Variants in LCLAT1 observed in about 807,000 individuals in gnomAD.
LCLAT1 encodes 1-AGP acyltransferase 8.
Under a neutral mutation model 30.7 loss-of-function variants are expected in LCLAT1, and 11 were observed. The observed-to-expected ratio is 0.36, with a 90% confidence interval of 0.23 to 0.59. The LOEUF (loss-of-function observed/expected upper bound fraction) is 0.59. LCLAT1 is among the 20% of genes least tolerant of loss of function. The pLI is 0.77. For synonymous variants in LCLAT1, 155 were observed against 151.3 expected, an observed-to-expected ratio of 1.02 and a Z score of -0.18; for missense variants, 402 against 458.6, an observed-to-expected ratio of 0.88 and a Z score of 1.13.
At chr2:30,595,688 T>A (rs1666899989) in intron 5 of LCLAT1, among the ~76,000 whole-genome samples, 1 of 152,190 alleles carries the variant, frequency 6.6e-6, no homozygotes, top group African/African-American at 2.4e-5. Flanking sequence ...TGCAGGTTTG[T>A]TACATAGGAA....
chr2:30,511,090 CATT>C (rs1684918472), intron 1 of LCLAT1, among the ~76,000 whole-genome samples: 1 of 152,100 alleles, frequency 6.6e-6, no homozygotes, highest in Non-Finnish European at 1.5e-5. Flanking sequence ...TCAGAAGTCT[CATT>C]ATCTGTTCCT....
chr2:30,546,090 T>C (rs998145125), intron 3 of LCLAT1, among the ~76,000 whole-genome samples: 1 of 152,148 alleles, frequency 6.6e-6, no homozygotes, highest in Non-Finnish European at 1.5e-5. Flanking sequence ...TTGTGATATA[T>C]CTAGATTATT....
chr2:30,449,232 A>C (rs983803735), intron 1 of LCLAT1, among the ~76,000 whole-genome samples: 1 of 152,212 alleles, frequency 6.6e-6, no homozygotes, highest in Non-Finnish European at 1.5e-5. Flanking sequence ...TATTAAGGGG[A>C]AACATTAATT....
At chr2:30,637,723 G>GT (rs1344146736) in intron 5 of LCLAT1, among the ~76,000 whole-genome samples, 1 of 152,086 alleles carries the variant, frequency 6.6e-6, no homozygotes, top group African/African-American at 2.4e-5. Context: ...GATTACAAGC[G>GT]TGCGCCACCA....
Position 30,640,225 on chromosome 2 carries a change from A to G in LCLAT1, c.737A>G (p.His246Arg). The change falls in exon 6 of 6, where the codon CAC becomes CGC. Residue 246 changes from histidine to arginine, a missense_variant. By Grantham distance (29) the His-to-Arg change is conservative. Coordinates refer to ENST00000379509, the MANE Select transcript of LCLAT1 (RefSeq NM_001002257.3). ...GACTTTCCCAGGGAAATCCACTTTC[A>G]CGTCCACCGGTATCCAATAGACACC... Reference protein sequence around the residue: ...QGDFPREIHFHVHRYPIDTLP... With the variant: ...QGDFPREIHFRVHRYPIDTLP... 6.2e-7 allele frequency: 1 copy of G among 1,614,110 alleles called. No individual in the cohort carries two copies. The highest frequency in any genetic ancestry group is 1.1e-5 in the South Asian group (1 of 91,078).
At chr2:30,520,172 C>A (rs1256513506) in intron 1 of LCLAT1, among the ~76,000 whole-genome samples, 1 of 152,160 alleles carries the variant, frequency 6.6e-6, no homozygotes, top group East Asian at 1.9e-4. Flanking sequence ...AGGCCAAGAA[C>A]CCCCCAGGTC....
intron 3 of LCLAT1, among the ~76,000 whole-genome samples, chr2:30,538,413 C>T (rs778428050): frequency 6.6e-6 from 1 of 152,026 alleles, no homozygotes; most frequent in African/African-American, 2.4e-5. Flanking sequence ...GAGGCCAAGG[C>T]GGGTGGATCA....
intron 1 of LCLAT1, among the ~76,000 whole-genome samples, chr2:30,515,834 A>G (rs1685154932): frequency 6.6e-6 from 1 of 152,202 alleles, no homozygotes; most frequent in South Asian, 2.1e-4. Flanking sequence ...AAGATTAAAT[A>G]TTTAATTTGT....
intron 5 of LCLAT1, among the ~76,000 whole-genome samples, chr2:30,620,355 T>C (rs553828212): frequency 6.6e-6 from 1 of 152,330 alleles, no homozygotes; most frequent in Non-Finnish European, 1.5e-5. Flanking sequence ...CCCAGAACTC[T>C]TCATTTTCAA....
At position 30,574,046 on chromosome 2, in the gene LCLAT1, G is replaced by A. The variant is rs140877756; in HGVS notation, c.628+5870G>A. 3.3e-4 allele frequency among the ~76,000 whole-genome samples: 50 copies of A among 152,110 alleles called. No individual in the cohort carries two copies. The East Asian group carries it at 8.3e-3, about 25-fold the overall frequency. ...AATCCCAGATATTCGGGAGGCTGAG[G>A]CACGGGAATCGCTTGAACCTGGGAG... On this transcript the variant is annotated intron_variant, in intron 5 of 5. Coordinates refer to ENST00000379509, the MANE Select transcript of LCLAT1 (RefSeq NM_001002257.3).
At chr2:30,592,917 A>G (rs1666761513) in intron 5 of LCLAT1, among the ~76,000 whole-genome samples, 1 of 152,230 alleles carries the variant, frequency 6.6e-6, no homozygotes, top group African/African-American at 2.4e-5. Flanking sequence ...ATCTTTTCAC[A>G]TTAGAAACAT....
chr2:30,547,021 C>A (rs1664455970), intron 3 of LCLAT1, among the ~76,000 whole-genome samples: 1 of 151,948 alleles, frequency 6.6e-6, no homozygotes, highest in African/African-American at 2.4e-5. Flanking sequence ...ATTAAGCCCC[C>A]ACAGGACTCA....
intron 1 of LCLAT1, among the ~76,000 whole-genome samples, chr2:30,523,131 G>A (rs1443860578): frequency 2.6e-5 from 4 of 151,258 alleles, no homozygotes; most frequent in African/African-American, 9.7e-5. Context: ...ATCACTAATT[G>A]GCAGAAAAAA....
chr2:30,464,017 A>ATAATTTGCCAGCCATGCT (rs1682299825), intron 1 of LCLAT1, among the ~76,000 whole-genome samples: 2 of 152,202 alleles, frequency 1.3e-5, no homozygotes, highest in African/African-American at 4.8e-5. Context: ...TATGTGTTTT[A>ATAATTTGCCAGCCATGCT]TAATTTGCCA....
chr2:30,523,942 T>TAAA (rs1558495456), intron 1 of LCLAT1, among the ~76,000 whole-genome samples: 1 of 152,234 alleles, frequency 6.6e-6, no homozygotes, highest in African/African-American at 2.4e-5. Flanking sequence ...GTTTTGTTGT[T>TAAA]TGTCTGTCTG....
At chr2:30,580,854 G>A (rs1666185083) in intron 5 of LCLAT1, among the ~76,000 whole-genome samples, 1 of 152,108 alleles carries the variant, frequency 6.6e-6, no homozygotes, top group South Asian at 2.1e-4. Flanking sequence ...TATTCTAAGA[G>A]AGTTTATTAT....
intron 1 of LCLAT1, among the ~76,000 whole-genome samples, chr2:30,518,570 C>T (rs1685307933): frequency 6.6e-6 from 1 of 152,160 alleles, no homozygotes; most frequent in African/African-American, 2.4e-5. Flanking sequence ...ATAGCCCCTG[C>T]AGTACTCCAA....
intron 3 of LCLAT1, among the ~76,000 whole-genome samples, chr2:30,536,960 G>T (rs1014382686): frequency 6.6e-6 from 1 of 152,226 alleles, no homozygotes; most frequent in Non-Finnish European, 1.5e-5. Flanking sequence ...CCAACTATAT[G>T]CTGCCTGCAA....
chr2:30,533,109 T>C lies in LCLAT1; in HGVS notation c.166-7T>C, dbSNP rs1325123288. 1 of 1,603,556 alleles carries C rather than the reference T, an allele frequency of 6.2e-7. No homozygotes were observed. Among genetic ancestry groups the C allele is most frequent in the African/African-American group, 1.3e-5 (1 of 74,852 alleles). On this transcript the variant is annotated splice_region_variant and splice_polypyrimidine_tract_variant and intron_variant, in intron 2 of 5. Transcript: ENST00000379509. ...TAATTTGCTGTATATCTGTATTGTT[T>C]TCTTAGGCATTATTGGAGACCATGT... is the stretch of plus-strand genomic sequence containing the variant.
Sources: gnomAD v4.1 joint callset for allele counts (sites outside exome capture counted in the v4.1 genomes callset) on GRCh38, gnomAD v4.1.1 for gene constraint, MANE v1.5 for transcripts, NCBI Gene and HGNC (gene_info 2026-07-23, HGNC 2026-07-21) for gene names.